The following CSMD1 variants were observed in gnomAD, a reference collection of about 807,000 sequenced individuals.
CSMD1 encodes CUB and sushi domain-containing protein 1.
A neutral mutation model predicts 417.5 loss-of-function variants in CSMD1; 213 were observed. The ratio of observed to expected loss-of-function variants is 0.51; its 90% CI spans 0.46 to 0.57. CSMD1 has a LOEUF of 0.57. CSMD1 is among the 20% of genes least tolerant of loss of function. CSMD1 has a pLI of 0.00. For synonymous variants in CSMD1, 2,862 were observed against 1,736.8 expected (o/e 1.65, Z -16.11); for missense variants, 6,923 against 4,529.7 (o/e 1.53, Z -15.17).
intron 6 of CSMD1, among the ~76,000 whole-genome samples, chr8:3,711,012 T>C (rs1531743): frequency 0.032 from 4,856 of 152,180 alleles, 247 homozygotes; most frequent in African/African-American, 0.11. Flanking sequence ...CTTCCCAGTA[T>C]CAAGAGCGGT....
At position 3,188,957 on chromosome 8, in the gene CSMD1, T is replaced by A. The variant is rs373242257; in HGVS notation, c.5453A>T (p.Tyr1818Phe). The change falls in exon 35 of 70, where the codon TAC becomes TTC. Residue 1818 changes from tyrosine to phenylalanine, a missense_variant. Physicochemically the swap from Tyr to Phe is conservative, Grantham distance 22 (BLOSUM62 3). Transcript: ENST00000635120. ...CAAGTTGTTTCCGTATGGCTCAGGG[T>A]AGCCGGGGGACAGGATTGTACCTCT... The part of the protein sequence containing the change: ...QRRGTILSPG[Y>F]PEPYGNNLNC... 10 of 1,613,080 alleles carry A rather than the reference T, an allele frequency of 6.2e-6. No homozygotes were observed. The African/African-American group carries it at 9.3e-5, about 15-fold the overall frequency.
chr8:4,067,881 A>G (rs1001529031), intron 3 of CSMD1, among the ~76,000 whole-genome samples: 10 of 152,154 alleles, frequency 6.6e-5, no homozygotes, highest in Admixed American at 3.3e-4. Flanking sequence ...GATGGAGACC[A>G]TCCTGGCCAA....
chr8:4,092,088 G>A (rs888988979), intron 3 of CSMD1, among the ~76,000 whole-genome samples: 1 of 152,138 alleles, frequency 6.6e-6, no homozygotes, highest in Non-Finnish European at 1.5e-5. Context: ...GCTTAAGAGG[G>A]ACGTAATTCT....
intron 15 of CSMD1, among the ~76,000 whole-genome samples, chr8:3,402,031 T>A (rs1027751425): frequency 8.6e-5 from 13 of 151,898 alleles, no homozygotes; most frequent in African/African-American, 3.1e-4. Context: ...CACACACACA[T>A]ACACCCCTTC....
At position 4,545,126 on chromosome 8, in the gene CSMD1, G is replaced by T. The variant is rs143531814; in HGVS notation, c.302+92216C>A. Among the ~76,000 whole-genome samples, 104 of 152,274 alleles carry T rather than the reference G, an allele frequency of 6.8e-4. No individual in the cohort carries two copies. In the East Asian group the frequency reaches 0.012, roughly 18 times the overall value. On this transcript the variant is annotated intron_variant, in intron 2 of 69. Transcript: ENST00000635120. ...GAGGGGACATAGTAACTTGGAAAGA[G>T]CACAGGTTTTAAAGTGAAACAGACC...
At chr8:3,827,965 A>C (rs915442866) in intron 5 of CSMD1, among the ~76,000 whole-genome samples, 18 of 152,232 alleles carry the variant, frequency 1.2e-4, no homozygotes, top group African/African-American at 4.3e-4. Flanking sequence ...ATTGCTAACC[A>C]AATAGCCATC....
intron 3 of CSMD1, among the ~76,000 whole-genome samples, chr8:4,379,563 T>C (rs1371594125): frequency 1.3e-5 from 2 of 152,322 alleles, no homozygotes; most frequent in African/African-American, 4.8e-5. Flanking sequence ...TGCAATTTTG[T>C]GGTGTCTAAA....
chr8:3,349,503 T>G (rs564287881), intron 21 of CSMD1, among the ~76,000 whole-genome samples: 1 of 151,636 alleles, frequency 6.6e-6, no homozygotes, highest in Non-Finnish European at 1.5e-5. Context: ...CCTCCTTAAA[T>G]AAAGACAGAA....
At chr8:3,252,999 T>C (rs983602727) in intron 26 of CSMD1, among the ~76,000 whole-genome samples, 5 of 152,156 alleles carry the variant, frequency 3.3e-5, no homozygotes, top group Admixed American at 3.3e-4. Context: ...TTTGTTGATC[T>C]TTTCAAAAAA....
Position 4,060,963 on chromosome 8 carries a change from A to C in CSMD1, c.416-28864T>G, listed in dbSNP as rs575136069. Among the ~76,000 whole-genome samples, 147 of 152,346 alleles carry C rather than the reference A, an allele frequency of 9.6e-4. 1 individual carries two copies. The highest frequency in any genetic ancestry group is 3.5e-3 in the African/African-American group (145 of 41,584). ...AAGCTTCTCATTGAAAGTGTGGAGG[A>C]AAGAGATAAGACAAGCTGCTTGTGA... On this transcript the variant is annotated intron_variant, in intron 3 of 69. Transcript: ENST00000635120.
intron 3 of CSMD1, among the ~76,000 whole-genome samples, chr8:4,226,067 GACACACACAC>G (rs67767005): frequency 0.031 from 4,398 of 143,578 alleles, 215 homozygotes; most frequent in African/African-American, 0.1. Context: ...CTGACAGGCG[GACACACACAC>G]ACACACACAC....
At chr8:4,333,728 C>T (rs1800004135) in intron 3 of CSMD1, among the ~76,000 whole-genome samples, 1 of 152,102 alleles carries the variant, frequency 6.6e-6, no homozygotes, top group South Asian at 2.1e-4. Context: ...CTTACAATGA[C>T]AGATTCCAAG....
intron 1 of CSMD1, among the ~76,000 whole-genome samples, chr8:4,692,108 C>A (rs1806806185): frequency 6.6e-6 from 1 of 152,098 alleles, no homozygotes; most frequent in African/African-American, 2.4e-5. Flanking sequence ...ACCCCTGGCA[C>A]CCTGGTACTC....
chr8:4,652,613 T>C (rs1474192708), intron 1 of CSMD1, among the ~76,000 whole-genome samples: 1 of 151,676 alleles, frequency 6.6e-6, no homozygotes, highest in Non-Finnish European at 1.5e-5. Context: ...GATCAAGCCA[T>C]TGCACCACAG....
intron 3 of CSMD1, among the ~76,000 whole-genome samples, chr8:4,247,850 C>T (rs1470338280): frequency 6.6e-6 from 1 of 152,136 alleles, no homozygotes; most frequent in Non-Finnish European, 1.5e-5. Flanking sequence ...TAAATTCTAT[C>T]ACATCGTTAT....
intron 3 of CSMD1, among the ~76,000 whole-genome samples, chr8:4,359,320 G>C (rs1018021465): frequency 6.6e-6 from 1 of 152,194 alleles, no homozygotes; most frequent in Non-Finnish European, 1.5e-5. Flanking sequence ...TTATTGTGCA[G>C]GGGCCAAATA....
chr8:4,792,055 A>G (rs1797721523), intron 1 of CSMD1, among the ~76,000 whole-genome samples: 2 of 152,112 alleles, frequency 1.3e-5, no homozygotes, highest in Admixed American at 1.3e-4. Context: ...CTTACCCAAG[A>G]TTCACTGCCT....
At chr8:3,494,543 G>C (rs1563091936) in intron 10 of CSMD1, among the ~76,000 whole-genome samples, 2 of 147,418 alleles carry the variant, frequency 1.4e-5, no homozygotes, top group Middle Eastern at 6.9e-3. Context: ...AGCAGATACA[G>C]ACAGATTAGA....
intron 5 of CSMD1, among the ~76,000 whole-genome samples, chr8:3,874,626 T>C (rs1022263707): frequency 6.6e-6 from 1 of 152,146 alleles, no homozygotes; most frequent in African/African-American, 2.4e-5. Flanking sequence ...ACATGTGGAA[T>C]ATGTTTTTTG....
Sources: gnomAD v4.1 joint callset for allele counts (sites outside exome capture counted in the v4.1 genomes callset) on GRCh38, gnomAD v4.1.1 for gene constraint, MANE v1.5 for transcripts, NCBI Gene and HGNC (gene_info 2026-07-23, HGNC 2026-07-21) for gene names.